Variants in CAMTA1 observed in about 807,000 individuals in gnomAD.
CAMTA1 encodes calmodulin binding transcription activator 1, also known as calmodulin-binding transcription activator 1.
A neutral mutation model predicts 170.9 loss-of-function variants in CAMTA1; 27 were observed. The ratio of observed to expected loss-of-function variants is 0.16; its 90% CI spans 0.12 to 0.22. The LOEUF is 0.22. Among genes scored for constraint, CAMTA1 ranks in the 10% least tolerant of loss-of-function variants. The probability of loss-of-function intolerance (pLI) is 1.00; values close to 1 mark genes in which losing one functional copy is unlikely to be tolerated. For synonymous variants in CAMTA1, 833 were observed against 891.5 expected (o/e 0.93, Z 1.17); for missense variants, 1,619 against 2,217.2 (o/e 0.73, Z 5.42).
At chr1:7,418,827 C>T (rs1367914569) in intron 5 of CAMTA1, among the ~76,000 whole-genome samples, 1 of 152,184 alleles carries the variant, frequency 6.6e-6, no homozygotes. Context: ...CTCCACCCCA[C>T]TCAGTGCAGC....
At chr1:7,003,491 G>T (rs568517329) in intron 3 of CAMTA1, among the ~76,000 whole-genome samples, 3 of 152,312 alleles carry the variant, frequency 2.0e-5, no homozygotes, top group South Asian at 4.1e-4. Flanking sequence ...GATGGTCCAC[G>T]TGAGAACACG....
chr1:7,310,644 CTTTTT>C (rs752527605), intron 5 of CAMTA1, among the ~76,000 whole-genome samples: 3 of 61,346 alleles, frequency 4.9e-5, no homozygotes, highest in African/African-American at 1.4e-4. Context: ...TTCTTTCTTT[CTTTTT>C]TCTTTCTTTC....
rs531049345 is a variant in CAMTA1 at position 7,522,312 on chromosome 1, A to G, written c.510+54411A>G. Among the ~76,000 whole-genome samples the G allele has an allele frequency of 5.3e-5, 8 of 152,218 alleles. 1 individual carries two copies. The South Asian group carries it at 8.3e-4, about 16-fold the overall frequency. ...ATATCATCTTTGCCGAGATATCTCT[A>G]TGTGTCTTTTGCCCGTTTTCTAATG... is the stretch of plus-strand genomic sequence containing the variant. On this transcript the variant is annotated intron_variant, in intron 6 of 22. Coordinates refer to ENST00000303635, the MANE Select transcript of CAMTA1 (RefSeq NM_015215.4).
chr1:6,919,520 A>G (rs969373054), intron 3 of CAMTA1, among the ~76,000 whole-genome samples: 1 of 152,224 alleles, frequency 6.6e-6, no homozygotes, highest in Non-Finnish European at 1.5e-5. Flanking sequence ...AGAAATGTCC[A>G]CTTCTCAGAT....
At chr1:7,417,009 T>A (rs1421644002) in intron 5 of CAMTA1, among the ~76,000 whole-genome samples, 2 of 152,214 alleles carry the variant, frequency 1.3e-5, no homozygotes, top group East Asian at 1.9e-4. Flanking sequence ...TCTGTCGGAG[T>A]TTGCTAGAGG....
At chr1:7,178,991 T>C (rs543219056) in intron 4 of CAMTA1, among the ~76,000 whole-genome samples, 3 of 152,328 alleles carry the variant, frequency 2.0e-5, no homozygotes, top group Admixed American at 6.5e-5. Context: ...CAGCCCAGGA[T>C]TCATGTATAC....
intron 4 of CAMTA1, among the ~76,000 whole-genome samples, chr1:7,150,815 TA>T (rs1646528987): frequency 6.6e-6 from 1 of 152,150 alleles, no homozygotes; most frequent in African/African-American, 2.4e-5. Flanking sequence ...TGGTCAGACA[TA>T]AAAGTGGGAA....
At chr1:6,840,690 T>A (rs949782078) in intron 3 of CAMTA1, among the ~76,000 whole-genome samples, 3 of 152,020 alleles carry the variant, frequency 2.0e-5, no homozygotes, top group Admixed American at 1.3e-4. Flanking sequence ...CAGGTGACAT[T>A]TAAAGCCATA....
At chr1:7,551,438 C>G (rs547924436) in intron 6 of CAMTA1, among the ~76,000 whole-genome samples, 7 of 152,318 alleles carry the variant, frequency 4.6e-5, no homozygotes, top group Admixed American at 2.0e-4. Flanking sequence ...CCAGCTAGTT[C>G]CCAGACGCTT....
intron 11 of CAMTA1, among the ~76,000 whole-genome samples, chr1:7,689,882 G>C (rs540138086): frequency 1.0e-3 from 154 of 152,330 alleles, no homozygotes; most frequent in Non-Finnish European, 2.0e-3. Context: ...CGGCTAGTGG[G>C]CACAGTGGCT....
intron 3 of CAMTA1, among the ~76,000 whole-genome samples, chr1:7,025,251 A>G (rs929993077): frequency 3.9e-5 from 6 of 152,210 alleles, no homozygotes; most frequent in African/African-American, 1.2e-4. Context: ...TCTGAATGCA[A>G]TGATTTTTCC....
Position 7,663,841 on chromosome 1 carries a change from G to T in CAMTA1, c.1294G>T (p.Val432Phe), listed in dbSNP as rs767458145. The T allele has an allele frequency of 6.2e-7, 1 of 1,614,042 alleles. No individual in the cohort carries two copies. Among genetic ancestry groups the T allele is most frequent in the South Asian group, 1.1e-5 (1 of 91,076 alleles). The change falls in exon 9 of 23, where the codon GTC becomes TTC. Residue 432 changes from valine (V) to phenylalanine (F), a missense_variant. Physicochemically the swap from Val to Phe is conservative, Grantham distance 50. Coordinates refer to ENST00000303635, the MANE Select transcript of CAMTA1 (RefSeq NM_015215.4). ...LLSPDASQGL[V>F]LAVSSDGHKF... ...CTCACCTGACGCCTCTCAGGGCCTC[G>T]TCCTGGCCGTGAGCTCTGATGGCCA...
chr1:7,089,465 G>GAC (rs1290880979), intron 3 of CAMTA1, among the ~76,000 whole-genome samples: 1 of 151,978 alleles, frequency 6.6e-6, no homozygotes, highest in African/African-American at 2.4e-5. Context: ...TATCTTCAGT[G>GAC]ACACACACAC....
At chr1:7,276,304 T>TATATATATA (rs1553299266) in intron 5 of CAMTA1, among the ~76,000 whole-genome samples, 2 of 14,950 alleles carry the variant, frequency 1.3e-4, no homozygotes, top group African/African-American at 6.7e-4. Context: ...TATATATATA[T>TATATATATA]TTTTTTTTTT....
chr1:6,995,290 CTTTTCTTTTTTT>C (rs1697041186), intron 3 of CAMTA1, among the ~76,000 whole-genome samples: 1 of 82,280 alleles, frequency 1.2e-5, no homozygotes, highest in African/African-American at 4.8e-5. Flanking sequence ...TCTTTTTTTT[CTTTTCTTTTTTT>C]TTTTTTTTTT....
intron 4 of CAMTA1, among the ~76,000 whole-genome samples, chr1:7,133,813 C>T (rs1196033930): frequency 6.6e-6 from 1 of 152,198 alleles, no homozygotes; most frequent in Non-Finnish European, 1.5e-5. Context: ...GATGTTTTCT[C>T]TCTCACACTT....
At chr1:7,012,475 C>T (rs1037063958) in intron 3 of CAMTA1, among the ~76,000 whole-genome samples, 5 of 152,144 alleles carry the variant, frequency 3.3e-5, no homozygotes, top group Admixed American at 2.0e-4. Context: ...AAACATGCCA[C>T]GATTTCTCCC....
At chr1:6,923,021 CAATT>C (rs1172066104) in intron 3 of CAMTA1, among the ~76,000 whole-genome samples, 1 of 152,058 alleles carries the variant, frequency 6.6e-6, no homozygotes, top group Non-Finnish European at 1.5e-5. Flanking sequence ...AAATAAGTAT[CAATT>C]AAGCTGTTTT....
chr1:7,108,521 C>G (rs527403321), intron 4 of CAMTA1, among the ~76,000 whole-genome samples: 1 of 152,054 alleles, frequency 6.6e-6, no homozygotes, highest in Non-Finnish European at 1.5e-5. Flanking sequence ...ACATCATCCT[C>G]GACTACCAGA....
Sources: allele counts gnomAD v4.1 joint callset (sites outside exome capture counted in the v4.1 genomes callset), GRCh38; gene constraint gnomAD v4.1.1; transcripts MANE v1.5; gene names NCBI Gene and HGNC (gene_info 2026-07-23, HGNC 2026-07-21).